Variants in RAPGEF2 observed in about 807,000 individuals in gnomAD.
RAPGEF2 encodes the protein PDZ domain containing guanine nucleotide exchange factor (GEF) 1.
In RAPGEF2, 54 loss-of-function variants were observed where a neutral mutation model predicts 186.7. That is an observed-to-expected ratio of 0.29 (90% CI 0.23 to 0.36). The LOEUF (loss-of-function observed/expected upper bound fraction) is 0.36, where lower values mean the gene tolerates loss of function less well. Ranked by LOEUF, RAPGEF2 falls within the 10% of genes least tolerant of loss-of-function variation. RAPGEF2 has a pLI of 1.00. For missense variants in RAPGEF2, 1,532 were observed against 2,045.0 expected, an observed-to-expected ratio of 0.75 and a Z score of 4.84; for synonymous variants, 712 against 705.9, an observed-to-expected ratio of 1.01 and a Z score of -0.14.
intron 4 of RAPGEF2, among the ~76,000 whole-genome samples, chr4:159,226,814 T>C (rs569152353): frequency 6.6e-6 from 1 of 152,300 alleles, no homozygotes; most frequent in East Asian, 1.9e-4. Context: ...GTGTTAGTTA[T>C]TGGTAGCATT....
At chr4:159,295,754 T>TGTGTGTGC (rs1386754001) in intron 7 of RAPGEF2, among the ~76,000 whole-genome samples, 42 of 113,994 alleles carry the variant, frequency 3.7e-4, no homozygotes, top group African/African-American at 5.2e-4. Flanking sequence ...TGTGTGTGTG[T>TGTGTGTGC]GCGCGCGCGC....
intron 1 of RAPGEF2, among the ~76,000 whole-genome samples, chr4:159,184,110 A>G (rs1367233229): frequency 6.6e-6 from 1 of 152,180 alleles, no homozygotes; most frequent in Non-Finnish European, 1.5e-5. Context: ...CATGGTGTGT[A>G]TGTGCCACAT....
At chr4:159,213,813 T>C (rs1012899709) in intron 4 of RAPGEF2, among the ~76,000 whole-genome samples, 4 of 136,194 alleles carry the variant, frequency 2.9e-5, no homozygotes, top group Admixed American at 7.4e-5. Flanking sequence ...AGTGACAGCT[T>C]GCTCACTCTT....
At chr4:159,125,909 A>C in intron 1 of RAPGEF2, among the ~76,000 whole-genome samples, 1 of 152,226 alleles carries the variant, frequency 6.6e-6, no homozygotes. Context: ...ATCATGGTTC[A>C]GGAGAGACAC....
At chr4:159,226,161 G>A (rs1381603848) in intron 4 of RAPGEF2, among the ~76,000 whole-genome samples, 5 of 152,046 alleles carry the variant, frequency 3.3e-5, no homozygotes, top group Admixed American at 3.3e-4. Flanking sequence ...TTTGTGTGTG[G>A]TATGAGGTAA....
At chr4:159,161,970 G>T (rs1335604893) in intron 1 of RAPGEF2, among the ~76,000 whole-genome samples, 1 of 152,186 alleles carries the variant, frequency 6.6e-6, no homozygotes, top group African/African-American at 2.4e-5. Context: ...TTTAAAGCAT[G>T]CATCATAACG....
intron 7 of RAPGEF2, chr4:159,267,791 CTTTTTT>C (rs200359653): frequency 1.1e-5 from 10 of 915,226 alleles, no homozygotes; most frequent in African/African-American, 3.9e-5. Flanking sequence ...TAGCTTTTTT[CTTTTTT>C]TTTTTTTTTT....
intron 1 of RAPGEF2, among the ~76,000 whole-genome samples, chr4:159,169,796 C>A (rs191697016): frequency 6.6e-6 from 1 of 151,926 alleles, no homozygotes; most frequent in Non-Finnish European, 1.5e-5. Flanking sequence ...ACCTATATAC[C>A]GCACTTTCTT....
intron 25 of RAPGEF2, among the ~76,000 whole-genome samples, chr4:159,348,254 G>A (rs1329032025): frequency 1.7e-3 from 106 of 63,906 alleles, no homozygotes; most frequent in African/African-American, 3.9e-3. Flanking sequence ...ATGGATGGAT[G>A]GATGGATGGA....
chr4:159,293,299 G>A (rs1238660362), intron 7 of RAPGEF2, among the ~76,000 whole-genome samples: 1 of 152,166 alleles, frequency 6.6e-6, no homozygotes, highest in African/African-American at 2.4e-5. Context: ...TTTGCTGGAT[G>A]CAGTACTTAT....
At chr4:159,322,243 A>G (rs1765324596) in intron 9 of RAPGEF2, 104 bp from the exon 10 acceptor site, 1 of 1,071,092 alleles carries the variant, frequency 9.3e-7, no homozygotes, top group South Asian at 1.7e-5. Context: ...TCAATAAGCA[A>G]AATTGTAGGG....
chr4:159,349,001 C>T (rs555090435), intron 25 of RAPGEF2, among the ~76,000 whole-genome samples: 18 of 152,306 alleles, frequency 1.2e-4, no homozygotes, highest in African/African-American at 3.6e-4. Flanking sequence ...TTTGAAGTAT[C>T]TCACACAGCT....
In RAPGEF2 at chr4:159,343,364, G is replaced by T; in HGVS notation, c.3214G>T (p.Ala1072Ser). 1 of 1,614,088 alleles carries T rather than the reference G, an allele frequency of 6.2e-7. No individual in the cohort carries two copies. The change falls in exon 22 of 30, where the codon GCT (alanine) becomes TCT (serine). Residue 1072 changes from alanine (A) to serine (S), a missense_variant. Ala to Ser is a moderately conservative substitution (Grantham distance 99). Coordinates refer to ENST00000691494, the MANE Select transcript of RAPGEF2 (RefSeq NM_001394067.2). ...AGAAATTCGTCACGTTGGCCGAATG[G>T]CTTCAGTGAACATGGACCCTGCCCT... ...AKEIRHVGRM[A>S]SVNMDPALMF...
At chr4:159,175,022 C>T (rs1746316042) in intron 1 of RAPGEF2, among the ~76,000 whole-genome samples, 1 of 152,114 alleles carries the variant, frequency 6.6e-6, no homozygotes, top group South Asian at 2.1e-4. Context: ...ACATATATGG[C>T]TGCACTCAGC....
chr4:159,327,861 T>C (rs1766149755), intron 11 of RAPGEF2: 2 of 151,960 alleles, frequency 1.3e-5, no homozygotes, highest in Non-Finnish European at 2.9e-5. Context: ...GTTTGGGATT[T>C]TTTTTTTTTT....
chr4:159,297,556 C>T (rs2111006429), intron 7 of RAPGEF2, among the ~76,000 whole-genome samples: 1 of 152,198 alleles, frequency 6.6e-6, no homozygotes, highest in Non-Finnish European at 1.5e-5. Context: ...ATTTAGTTTG[C>T]AAAATGTATT....
At chr4:159,351,160 G>A (rs778395681) in intron 26 of RAPGEF2, 51 of 1,535,252 alleles carry the variant, frequency 3.3e-5, no homozygotes, top group Non-Finnish European at 4.1e-5. Context: ...GAATAACAAT[G>A]CACCACGGAC....
intron 1 of RAPGEF2, 82 bp downstream of exon 1, chr4:159,104,313 T>A: frequency 3.8e-6 from 2 of 532,010 alleles, no homozygotes; most frequent in Non-Finnish European, 5.9e-6. Flanking sequence ...ACCTCCTTCC[T>A]GACACAGTTC....
At chr4:159,321,508 T>TTGCCATCTCTTAATTATATG (rs1384797004) in intron 9 of RAPGEF2, among the ~76,000 whole-genome samples, 1 of 152,212 alleles carries the variant, frequency 6.6e-6, no homozygotes, top group Non-Finnish European at 1.5e-5. Context: ...GCGCCTGGTC[T>TTGCCATCTCTTAATTATATG]TGCCATCTCT....
Sources: allele counts gnomAD v4.1 joint callset (sites outside exome capture counted in the v4.1 genomes callset), GRCh38; gene constraint gnomAD v4.1.1; transcripts MANE v1.5; gene names NCBI Gene and HGNC (gene_info 2026-07-23, HGNC 2026-07-21).